Variants in RAPGEF4 observed in about 807,000 individuals in gnomAD.
RAPGEF4 encodes Rap guanine nucleotide exchange factor 4.
RAPGEF4 carries 66 observed loss-of-function variants against 147.9 expected under a neutral mutation model. That is an observed-to-expected ratio of 0.45 (90% CI 0.37 to 0.55). RAPGEF4 has a LOEUF of 0.55. RAPGEF4 is among the 20% of genes least tolerant of loss of function. RAPGEF4 has a pLI of 0.00. For synonymous variants in RAPGEF4, 419 were observed against 442.7 expected (o/e 0.95, Z 0.67); for missense variants, 1,071 against 1,257.3 (o/e 0.85, Z 2.24).
chr2:173,018,184 C>T (rs1013235689), intron 21 of RAPGEF4, among the ~76,000 whole-genome samples: 9 of 152,168 alleles, frequency 5.9e-5, no homozygotes, highest in African/African-American at 2.2e-4. Context: ...TCCGAGCTTA[C>T]ATGGCCTGGC....
intron 5 of RAPGEF4, among the ~76,000 whole-genome samples, chr2:172,920,223 T>G (rs1684597631): frequency 6.6e-6 from 1 of 152,216 alleles, no homozygotes; most frequent in African/African-American, 2.4e-5. Flanking sequence ...CATTTTAATA[T>G]TATTTTTGAC....
At chr2:172,845,054 C>A (rs1439210962) in intron 4 of RAPGEF4, among the ~76,000 whole-genome samples, 1 of 152,160 alleles carries the variant, frequency 6.6e-6, no homozygotes, top group East Asian at 1.9e-4. Flanking sequence ...TACAGATTTT[C>A]TGATGGGAAT....
chr2:173,016,152 A>G (rs1695489868), intron 18 of RAPGEF4, among the ~76,000 whole-genome samples, 197 bp from the exon 19 acceptor site: 1 of 152,170 alleles, frequency 6.6e-6, no homozygotes, highest in Non-Finnish European at 1.5e-5. Flanking sequence ...CACTATTTCC[A>G]AAATTTTTTC....
Position 172,905,661 on chromosome 2 carries a change from C to A in RAPGEF4, c.445-12141C>A, listed in dbSNP as rs538698397. On this transcript the variant is annotated intron_variant, in intron 4 of 30. Transcript: ENST00000397081. The stretch of plus-strand genomic sequence containing the variant: ...TATGTGATTCAGGTTTGGAAAGCAT[C>A]TTCTACTAGAGCTAAAGTTGTGATT... 9.2e-5 allele frequency among the ~76,000 whole-genome samples: 14 copies of A among 152,332 alleles called. No individual in the cohort carries two copies. In the South Asian group the frequency reaches 1.9e-3, roughly 20 times the overall value.
At chr2:173,034,914 A>G (rs968553334) in intron 27 of RAPGEF4, among the ~76,000 whole-genome samples, 3 of 151,170 alleles carry the variant, frequency 2.0e-5, no homozygotes, top group African/African-American at 7.3e-5. Context: ...ACACACAAAT[A>G]CAAATCAATT....
At chr2:172,953,225 T>C (rs1272297446) in intron 6 of RAPGEF4, among the ~76,000 whole-genome samples, 2 of 148,222 alleles carry the variant, frequency 1.3e-5, no homozygotes, top group Admixed American at 1.4e-4. Context: ...TTATATAATA[T>C]ACAATCTTTT....
chr2:172,885,490 C>T (rs948932694), intron 4 of RAPGEF4, among the ~76,000 whole-genome samples: 6 of 152,134 alleles, frequency 3.9e-5, no homozygotes, highest in Non-Finnish European at 7.4e-5. Context: ...TGAGACTGGG[C>T]AATTTACAAA....
chr2:172,784,106 C>T (rs537198514), intron 1 of RAPGEF4, among the ~76,000 whole-genome samples: 2 of 152,236 alleles, frequency 1.3e-5, no homozygotes, highest in South Asian at 2.1e-4. Flanking sequence ...TGTAGATGTA[C>T]GTATCTCTGT....
chr2:172,868,666 A>G (rs1465315991), intron 4 of RAPGEF4, among the ~76,000 whole-genome samples: 1 of 152,226 alleles, frequency 6.6e-6, no homozygotes, highest in Non-Finnish European at 1.5e-5. Context: ...ACAGAATCAT[A>G]GTTCTAGCTT....
At chr2:172,934,837 G>A (rs1413377981) in intron 6 of RAPGEF4, among the ~76,000 whole-genome samples, 3 of 151,986 alleles carry the variant, frequency 2.0e-5, no homozygotes, top group African/African-American at 7.3e-5. Flanking sequence ...TATAACTCCA[G>A]ACTTCTAAGT....
intron 28 of RAPGEF4, among the ~76,000 whole-genome samples, 188 bp downstream of exon 28, chr2:173,036,400 A>G (rs1251992276): frequency 6.6e-6 from 1 of 152,250 alleles, no homozygotes; most frequent in East Asian, 1.9e-4. Context: ...GCAGAGATCC[A>G]TGATTTGGAA....
At chr2:172,835,102 C>T (rs1025234904) in intron 4 of RAPGEF4, among the ~76,000 whole-genome samples, 1 of 152,194 alleles carries the variant, frequency 6.6e-6, no homozygotes, top group Admixed American at 6.5e-5. Context: ...CTTTCCTCTG[C>T]TCCTGGTGCC....
At position 172,899,649 on chromosome 2, in the gene RAPGEF4, A is replaced by C. The variant is rs376578306; in HGVS notation, c.445-18153A>C. Among the ~76,000 whole-genome samples, 4 of 152,276 alleles carry C rather than the reference A, an allele frequency of 2.6e-5. 1 individual carries two copies. Among genetic ancestry groups the C allele is most frequent in the African/African-American group, 9.6e-5 (4 of 41,566 alleles). ...TCAGACTTGACTTATGATGGCATTG[A>C]GGCCAGGATGATCCGTTTTTCTGCT... On this transcript the variant is annotated intron_variant, in intron 4 of 30. Transcript: ENST00000397081.
intron 4 of RAPGEF4, among the ~76,000 whole-genome samples, chr2:172,822,522 T>C (rs1270755589): frequency 6.6e-6 from 1 of 152,204 alleles, no homozygotes; most frequent in Non-Finnish European, 1.5e-5. Flanking sequence ...GTGATTTCAG[T>C]GTTTCTCAGA....
At chr2:172,973,847 G>A (rs563556999) in intron 10 of RAPGEF4, among the ~76,000 whole-genome samples, 44 of 152,276 alleles carry the variant, frequency 2.9e-4, no homozygotes, top group Middle Eastern at 3.4e-3. Flanking sequence ...TTTGAGATAC[G>A]TGCATTTGAC....
At chr2:172,982,998 C>T (rs540164694) in intron 10 of RAPGEF4, among the ~76,000 whole-genome samples, 25 of 152,136 alleles carry the variant, frequency 1.6e-4, no homozygotes, top group African/African-American at 2.4e-4. Flanking sequence ...TTGAGTCCTT[C>T]GGAAAAAATA....
chr2:173,024,224 T>C (rs200506826), intron 23 of RAPGEF4, among the ~76,000 whole-genome samples: 1 of 147,828 alleles, frequency 6.8e-6, no homozygotes. Flanking sequence ...TATTATTTTT[T>C]TTTTTTTTTT....
At chr2:173,036,480 A>T in intron 28 of RAPGEF4, 148 bp from the exon 29 acceptor site, 1 of 682,918 alleles carries the variant, frequency 1.5e-6, no homozygotes, top group Non-Finnish European at 2.5e-6. Flanking sequence ...TTAAAAAGTT[A>T]AACACCTAGC....
At chr2:172,736,271 A>G (rs1445800671) in intron 1 of RAPGEF4, 1 of 337,202 alleles carries the variant, frequency 3.0e-6, no homozygotes, top group African/African-American at 2.2e-5. Context: ...TGGTGGAGAA[A>G]ATGCAGCGCA....
Sources: gnomAD v4.1 joint callset for allele counts (sites outside exome capture counted in the v4.1 genomes callset) on GRCh38, gnomAD v4.1.1 for gene constraint, MANE v1.5 for transcripts, NCBI Gene and HGNC (gene_info 2026-07-23, HGNC 2026-07-21) for gene names.